Variants in KLF12 observed in about 807,000 individuals in gnomAD.
KLF12 encodes Krueppel-like factor 12.
A neutral mutation model predicts 37.8 loss-of-function variants in KLF12; 9 were observed. The ratio of observed to expected loss-of-function variants is 0.24; its 90% CI spans 0.14 to 0.42. KLF12 has a LOEUF of 0.42. KLF12 is among the 10% of genes least tolerant of loss of function. The pLI is 1.00. For missense variants in KLF12, 411 were observed against 516.0 expected (o/e 0.80, Z 1.97); for synonymous variants, 208 against 202.1 (o/e 1.03, Z -0.25).
intron 7 of KLF12, among the ~76,000 whole-genome samples, chr13:73,699,236 G>T (rs945135080): frequency 3.8e-5 from 3 of 79,700 alleles, no homozygotes; most frequent in Admixed American, 1.9e-4. Flanking sequence ...ATAAAAAAAC[G>T]TAGCCAGGTG....
intron 3 of KLF12, among the ~76,000 whole-genome samples, chr13:73,858,258 A>G (rs1040912539): frequency 1.3e-5 from 2 of 152,220 alleles, no homozygotes; most frequent in African/African-American, 4.8e-5. Context: ...ATGTCATTAG[A>G]AGAAAATATT....
intron 2 of KLF12, among the ~76,000 whole-genome samples, chr13:73,965,929 C>T (rs1891159713): frequency 6.6e-6 from 1 of 152,112 alleles, no homozygotes; most frequent in Admixed American, 6.6e-5. Context: ...CTCTAGTAGG[C>T]GGGGCTGTAA....
chr13:73,738,385 C>G (rs2137868925), intron 6 of KLF12, among the ~76,000 whole-genome samples: 1 of 151,642 alleles, frequency 6.6e-6, no homozygotes, highest in East Asian at 2.0e-4. Flanking sequence ...CTCCTGACCT[C>G]AGGTGATCCA....
intron 5 of KLF12, among the ~76,000 whole-genome samples, chr13:73,775,832 G>A (rs1488688522): frequency 1.3e-5 from 2 of 152,154 alleles, no homozygotes; most frequent in Non-Finnish European, 1.5e-5. Context: ...ATAAAAAGAG[G>A]CAAAGTTAAA....
At chr13:73,744,788 C>T (rs926306858) in intron 6 of KLF12, among the ~76,000 whole-genome samples, 5 of 152,156 alleles carry the variant, frequency 3.3e-5, no homozygotes, top group South Asian at 2.1e-4. Context: ...TGCAAGGTGA[C>T]GTATGCATGT....
At chr13:74,275,569 T>C in the KLF12 span, among the ~76,000 whole-genome samples, 1 of 152,200 alleles carries the variant, frequency 6.6e-6, no homozygotes, top group African/African-American at 2.4e-5. Context: ...GAATTTTTCT[T>C]GCATAAATAC....
At chr13:73,830,874 T>A (rs1292038495) in intron 4 of KLF12, among the ~76,000 whole-genome samples, 1 of 152,136 alleles carries the variant, frequency 6.6e-6, no homozygotes, top group African/African-American at 2.4e-5. Context: ...CTAGAAATGT[T>A]AACCTACAGC....
intron 6 of KLF12, among the ~76,000 whole-genome samples, chr13:73,720,013 A>T (rs2137718212): frequency 6.6e-6 from 1 of 152,294 alleles, no homozygotes; most frequent in East Asian, 1.9e-4. Flanking sequence ...GTTCAAGAGC[A>T]GTGTGTTCTA....
At chr13:74,099,703 T>C (rs1876202769) in intron 1 of KLF12, among the ~76,000 whole-genome samples, 1 of 152,166 alleles carries the variant, frequency 6.6e-6, no homozygotes, top group Non-Finnish European at 1.5e-5. Context: ...TTCCATTTCA[T>C]AAAATTCCTC....
At chr13:74,058,119 ATCAC>A (rs1873354002) in intron 1 of KLF12, among the ~76,000 whole-genome samples, 1 of 151,654 alleles carries the variant, frequency 6.6e-6, no homozygotes, top group Admixed American at 6.6e-5. Context: ...GGCATGCACC[ATCAC>A]GCCCAGCTAA....
At chr13:74,192,789 A>AT in the KLF12 span, among the ~76,000 whole-genome samples, 1 of 152,256 alleles carries the variant, frequency 6.6e-6, no homozygotes, top group Admixed American at 6.5e-5. Flanking sequence ...TCTCCAAATA[A>AT]TTTTTTAAAT....
At chr13:74,154,486 T>A in the KLF12 span, among the ~76,000 whole-genome samples, 1 of 152,212 alleles carries the variant, frequency 6.6e-6, no homozygotes, top group Non-Finnish European at 1.5e-5. Flanking sequence ...TGGGTTAAGT[T>A]GTTACATGTT....
At chr13:74,073,930 G>A (rs1384274948) in intron 1 of KLF12, among the ~76,000 whole-genome samples, 1 of 152,176 alleles carries the variant, frequency 6.6e-6, no homozygotes, top group Non-Finnish European at 1.5e-5. Flanking sequence ...GGAATGCCTT[G>A]TTAATAAGCT....
intron 1 of KLF12, among the ~76,000 whole-genome samples, chr13:74,053,539 C>T (rs528083418): frequency 2.0e-5 from 3 of 152,148 alleles, no homozygotes; most frequent in Admixed American, 6.6e-5. Flanking sequence ...GTTAAAAGCC[C>T]GCTCAAAGAC....
chr13:74,235,574 C>G, the KLF12 span, among the ~76,000 whole-genome samples: 1 of 152,092 alleles, frequency 6.6e-6, no homozygotes, highest in Non-Finnish European at 1.5e-5. Context: ...CCCCCTCACT[C>G]TAACTATAAA....
At chr13:74,132,111 C>A (rs1315557899) in intron 1 of KLF12, among the ~76,000 whole-genome samples, 1 of 152,120 alleles carries the variant, frequency 6.6e-6, no homozygotes, top group Non-Finnish European at 1.5e-5. Flanking sequence ...ATAGCACAAG[C>A]AAGCTTTTTT....
intron 2 of KLF12, among the ~76,000 whole-genome samples, chr13:73,948,883 G>A (rs1890540932): frequency 6.6e-6 from 1 of 152,126 alleles, no homozygotes; most frequent in Non-Finnish European, 1.5e-5. Flanking sequence ...GTTGTCTACT[G>A]CCATGCAACA....
chr13:73,999,241 A>G (rs1027267567), intron 1 of KLF12, among the ~76,000 whole-genome samples: 3 of 152,220 alleles, frequency 2.0e-5, no homozygotes, highest in Non-Finnish European at 4.4e-5. Flanking sequence ...CATCACTTCA[A>G]TTAGGGTAGG....
intron 2 of KLF12, among the ~76,000 whole-genome samples, chr13:73,945,935 C>A (rs1890403044): frequency 6.6e-6 from 1 of 152,038 alleles, no homozygotes; most frequent in Admixed American, 6.6e-5. Context: ...TTCATGGAGG[C>A]CTGTGGGTTG....
Sources: gnomAD v4.1 joint callset for allele counts (sites outside exome capture counted in the v4.1 genomes callset) on GRCh38, gnomAD v4.1.1 for gene constraint, MANE v1.5 for transcripts, NCBI Gene and HGNC (gene_info 2026-07-23, HGNC 2026-07-21) for gene names.